DENND4A: variants seen among roughly 807,000 people sequenced by gnomAD.
DENND4A encodes the protein C-myc promoter-binding protein.
A neutral mutation model predicts 199.3 loss-of-function variants in DENND4A; 70 were observed. The observed-to-expected ratio is 0.35, with a 90% CI of 0.29 to 0.43. DENND4A has a LOEUF of 0.43. Ranked by LOEUF, DENND4A falls within the 20% of genes least tolerant of loss-of-function variation. The pLI is 1.00. For missense variants in DENND4A, 1,723 were observed against 2,255.8 expected (o/e 0.76, Z 4.78); for synonymous variants, 686 against 766.9 (o/e 0.89, Z 1.74).
intron 15 of DENND4A, among the ~76,000 whole-genome samples, chr15:65,704,402 C>G (rs1303507568): frequency 1.3e-5 from 2 of 152,168 alleles, no homozygotes; most frequent in Admixed American, 1.3e-4. Context: ...TGATTTATGT[C>G]TGTTCCATCG....
At position 65,738,747 on chromosome 15, in the gene DENND4A, C is replaced by A; in HGVS notation, c.760G>T (p.Val254Leu). ...CCAGTTAAAACAAAAGTAGAAAATACAGGCAGAGGGTATTTGCTATTTGAT... is the reference window on the plus strand; with the variant it reads ...CCAGTTAAAACAAAAGTAGAAAATAAAGGCAGAGGGTATTTGCTATTTGAT... ...WPSNSKYPLP[V>L]FSTFVLTGAS... is the part of the protein sequence containing the mutation. The change falls in exon 6 of 33, where the codon GTA becomes TTA. Residue 254 changes from valine to leucine, a missense_variant. Transcript: ENST00000443035. The A allele has an allele frequency of 6.2e-7, 1 of 1,611,114 alleles. No individual in the cohort carries two copies. The highest frequency in any genetic ancestry group is 8.5e-7 in the Non-Finnish European group (1 of 1,178,656).
intron 2 of DENND4A, among the ~76,000 whole-genome samples, chr15:65,760,387 A>T (rs2140741388): frequency 6.6e-6 from 1 of 152,246 alleles, no homozygotes; most frequent in South Asian, 2.1e-4. Flanking sequence ...AATCCCAGCT[A>T]CTCAGGAGGC....
At chr15:65,764,972 CAAAAAA>C (rs35902836) in intron 1 of DENND4A, among the ~76,000 whole-genome samples, 5 of 95,882 alleles carry the variant, frequency 5.2e-5, no homozygotes, top group African/African-American at 1.2e-4. Flanking sequence ...ACCCTGTCTC[CAAAAAA>C]AAAAAAAAAA....
intron 23 of DENND4A, among the ~76,000 whole-genome samples, chr15:65,682,289 A>T (rs916471984): frequency 6.6e-6 from 1 of 151,778 alleles, no homozygotes; most frequent in African/African-American, 2.4e-5. Context: ...TTCATCAGTG[A>T]CCTTACATAG....
chr15:65,758,327 T>C (rs2076766121), intron 2 of DENND4A, among the ~76,000 whole-genome samples: 1 of 152,210 alleles, frequency 6.6e-6, no homozygotes, highest in Admixed American at 6.5e-5. Context: ...TATTTATTTA[T>C]TTTTGAGACA....
At chr15:65,774,105 C>T (rs2077213792) in intron 1 of DENND4A, among the ~76,000 whole-genome samples, 1 of 151,550 alleles carries the variant, frequency 6.6e-6, no homozygotes. Flanking sequence ...GCCTGTAATC[C>T]CAGCACTTTG....
intron 1 of DENND4A, among the ~76,000 whole-genome samples, chr15:65,785,546 C>T (rs201170968): frequency 1.4e-4 from 21 of 149,548 alleles, no homozygotes; most frequent in Non-Finnish European, 2.4e-4. Flanking sequence ...TTGTTTTGTA[C>T]GAGACATTTT....
chr15:65,718,787 T>TTTTTTTTTTTTTTTTG (rs2075505906), intron 12 of DENND4A, among the ~76,000 whole-genome samples: 1 of 138,170 alleles, frequency 7.2e-6, no homozygotes, highest in Non-Finnish European at 1.5e-5. Flanking sequence ...TTTTTTTTTT[T>TTTTTTTTTTTTTTTTG]TTGGTTTTTT....
intron 4 of DENND4A, among the ~76,000 whole-genome samples, chr15:65,742,329 G>T (rs1426136988): frequency 2.6e-5 from 4 of 152,128 alleles, no homozygotes; most frequent in African/African-American, 9.6e-5. Flanking sequence ...TGTCACCCAG[G>T]CTGGAGTGCA....
intron 1 of DENND4A, among the ~76,000 whole-genome samples, chr15:65,770,544 C>T (rs2077100825): frequency 6.6e-6 from 1 of 152,096 alleles, no homozygotes; most frequent in Admixed American, 6.6e-5. Context: ...TGATATTCTA[C>T]ATCAGTTCAT....
At chr15:65,764,972 CAAAAAAAAA>C (rs35902836) in intron 1 of DENND4A, among the ~76,000 whole-genome samples, 2 of 95,884 alleles carry the variant, frequency 2.1e-5, no homozygotes, top group African/African-American at 7.8e-5. Flanking sequence ...ACCCTGTCTC[CAAAAAAAAA>C]AAAAAAAAAA....
At chr15:65,786,997 T>G (rs1161903709) in intron 1 of DENND4A, among the ~76,000 whole-genome samples, 1 of 152,196 alleles carries the variant, frequency 6.6e-6, no homozygotes, top group African/African-American at 2.4e-5. Context: ...CATTGCTCTT[T>G]TAGAATTCAA....
At position 65,723,034 on chromosome 15, in the gene DENND4A, A is replaced by G. The variant is rs2075695139; in HGVS notation, c.1488-86T>C. ...ATATCTGTTATATATAAAAACGGGA[A>G]AAGATTAAACACCTTGAATGAAAAA... On this transcript the variant is annotated intron_variant, in intron 11 of 32. Coordinates refer to ENST00000443035, the MANE Select transcript of DENND4A (RefSeq NM_001320835.1). The G allele has an allele frequency of 8.8e-6, 9 of 1,017,068 alleles. No individual in the cohort carries two copies. In the South Asian group the frequency reaches 2.2e-4, roughly 25 times the overall value. The allele number at this position is 1,017,068 out of a possible 1,614,324, so 63.0% of individuals were successfully genotyped here.
At chr15:65,747,241 A>T (rs1036956597) in intron 4 of DENND4A, among the ~76,000 whole-genome samples, 3 of 152,206 alleles carry the variant, frequency 2.0e-5, no homozygotes, top group African/African-American at 7.2e-5. Flanking sequence ...AAATTTTTGC[A>T]ATTTTAGATT....
chr15:65,771,710 A>T, intron 1 of DENND4A: 1 of 1,609,806 alleles, frequency 6.2e-7, no homozygotes, highest in South Asian at 1.1e-5. Flanking sequence ...TATATTAAAC[A>T]AGTCTTCTGG....
chr15:65,771,524 G>A lies in DENND4A; in HGVS notation c.-101-10086C>T, dbSNP rs112493168. On this transcript the variant is annotated intron_variant, in intron 1 of 32. Coordinates refer to ENST00000443035, the MANE Select transcript of DENND4A (RefSeq NM_001320835.1). ...ACAGACCATCAACTGGCTTAATAAT[G>A]ACACGAGGATCAATACAATTATGGG... is the stretch of plus-strand genomic sequence containing the variant. 2.0e-4 allele frequency: 317 copies of A among 1,611,698 alleles called. 1 individual carries two copies. The African/African-American group carries it at 3.7e-3, about 19-fold the overall frequency.
chr15:65,746,705 G>A lies in DENND4A; in HGVS notation c.562-4921C>T, dbSNP rs866038990. On this transcript the variant is annotated intron_variant, in intron 4 of 32. Coordinates refer to ENST00000443035, the MANE Select transcript of DENND4A (RefSeq NM_001320835.1). ...CAATTCTACTTTTCTAAGTAAACTCGCTAAATCAAATGCTGACATTCTTGG... is the reference window on the plus strand; with the variant it reads ...CAATTCTACTTTTCTAAGTAAACTCACTAAATCAAATGCTGACATTCTTGG... Among the ~76,000 whole-genome samples the A allele has an allele frequency of 2.6e-4, 39 of 151,362 alleles. 1 individual carries two copies.
intron 32 of DENND4A, 113 bp from the exon 33 acceptor site, chr15:65,662,100 G>GCC: frequency 2.5e-6 from 2 of 815,834 alleles, no homozygotes; most frequent in African/African-American, 1.7e-5. Flanking sequence ...AGAAGGAATT[G>GCC]CTAGGACATT....
chr15:65,761,998 T>C (rs1469942069), intron 1 of DENND4A, among the ~76,000 whole-genome samples: 1 of 152,184 alleles, frequency 6.6e-6, no homozygotes, highest in Admixed American at 6.5e-5. Flanking sequence ...AAGATGTTTT[T>C]TGTTGTTGTT....
Sources: allele counts gnomAD v4.1 joint callset (sites outside exome capture counted in the v4.1 genomes callset), GRCh38; gene constraint gnomAD v4.1.1; transcripts MANE v1.5; gene names NCBI Gene and HGNC (gene_info 2026-07-23, HGNC 2026-07-21).